The following FER1L6 variants were observed in gnomAD, a reference collection of about 807,000 sequenced individuals.
FER1L6 encodes fer-1-like protein 6.
FER1L6 carries 177 observed loss-of-function variants against 219.2 expected under a neutral mutation model. That is an observed-to-expected ratio of 0.81 (90% CI 0.71 to 0.91). FER1L6 has a LOEUF of 0.91. Ranked by LOEUF, FER1L6 falls within the 40% of genes least tolerant of loss-of-function variation. The probability of loss-of-function intolerance (pLI) is 0.00; values close to 1 mark genes in which losing one functional copy is unlikely to be tolerated. For missense variants in FER1L6, 2,153 were observed against 2,259.9 expected (o/e 0.95, Z 0.96); for synonymous variants, 768 against 824.3 (o/e 0.93, Z 1.17).
At chr8:124,072,431 G>A (rs191239222) in intron 31 of FER1L6, among the ~76,000 whole-genome samples, 58 of 152,168 alleles carry the variant, frequency 3.8e-4, no homozygotes, top group African/African-American at 1.3e-3. Flanking sequence ...GAACCCCAAT[G>A]GTTCATGGAT....
chr8:123,869,856 A>G (rs1816896806), intron 1 of FER1L6, among the ~76,000 whole-genome samples: 2 of 152,354 alleles, frequency 1.3e-5, no homozygotes, highest in South Asian at 4.1e-4. Flanking sequence ...GATCAACAGA[A>G]CAGCATGGAG....
At chr8:123,989,568 C>T (rs190955531) in intron 12 of FER1L6, among the ~76,000 whole-genome samples, 1 of 152,042 alleles carries the variant, frequency 6.6e-6, no homozygotes, top group Non-Finnish European at 1.5e-5. Flanking sequence ...CCTCTCATAC[C>T]TCTTCCTTCT....
rs1822376651 is a variant in FER1L6, at chr8:124,097,875, T to C, written c.4875T>C (p.Tyr1625=). ...CAGGCCAAAAATCAAGTGATATTTA[T>C]GTGAAAGGGTAAGGTTATCAACAAA... ...IFTGQKSSDI[Y]VKGWLKGLED... Residue 1625 remains tyrosine (Y), a synonymous_variant, in exon 37 of 41, where the codon TAT becomes TAC. Transcript: ENST00000522917. 1 of 1,546,678 alleles carries C rather than the reference T, an allele frequency of 6.5e-7. No homozygotes were observed. Among genetic ancestry groups the C allele is most frequent in the South Asian group, 1.1e-5 (1 of 89,584 alleles).
At chr8:124,057,886 T>C (rs1195333640) in intron 22 of FER1L6, among the ~76,000 whole-genome samples, 8 of 152,220 alleles carry the variant, frequency 5.3e-5, no homozygotes, top group African/African-American at 1.9e-4. Flanking sequence ...TTTTATCTGG[T>C]TTCTTACTGA....
intron 12 of FER1L6, among the ~76,000 whole-genome samples, chr8:124,000,526 C>A (rs1297824409): frequency 6.6e-6 from 1 of 152,180 alleles, no homozygotes; most frequent in Non-Finnish European, 1.5e-5. Context: ...TTCAGACATA[C>A]TTGGATTCCT....
chr8:123,927,998 G>A (rs1407912516), intron 1 of FER1L6, among the ~76,000 whole-genome samples: 10 of 152,074 alleles, frequency 6.6e-5, no homozygotes, highest in Non-Finnish European at 1.0e-4. Context: ...ATAAATGATT[G>A]TAAGAGTTAG....
chr8:123,982,244 C>T (rs567855415), intron 11 of FER1L6, among the ~76,000 whole-genome samples: 12 of 152,132 alleles, frequency 7.9e-5, no homozygotes, highest in Non-Finnish European at 1.3e-4. Context: ...TCCCTGTAGT[C>T]GTTTTTCCTG....
chr8:124,068,540 C>T (rs751888850), intron 28 of FER1L6, among the ~76,000 whole-genome samples: 24 of 152,148 alleles, frequency 1.6e-4, no homozygotes, highest in Non-Finnish European at 3.1e-4. Flanking sequence ...CTGAGTAATC[C>T]CCCTAACAAC....
intron 12 of FER1L6, among the ~76,000 whole-genome samples, chr8:123,992,085 G>A (rs1465519847): frequency 6.6e-6 from 1 of 152,082 alleles, no homozygotes; most frequent in Non-Finnish European, 1.5e-5. Context: ...TTGATGTGCT[G>A]TTGGATTTGG....
At chr8:123,932,677 C>A (rs1813819143) in intron 1 of FER1L6, among the ~76,000 whole-genome samples, 2 of 152,112 alleles carry the variant, frequency 1.3e-5, no homozygotes, top group Admixed American at 6.6e-5. Context: ...GATCCTTCAG[C>A]AAGTACAATA....
chr8:124,106,889 A>C (rs936075652), intron 39 of FER1L6, among the ~76,000 whole-genome samples: 11 of 151,864 alleles, frequency 7.2e-5, no homozygotes, highest in African/African-American at 2.7e-4. Context: ...TATTGAATGA[A>C]TCAATTAATT....
intron 20 of FER1L6, among the ~76,000 whole-genome samples, chr8:124,044,011 A>G (rs1231716766): frequency 1.3e-5 from 2 of 152,258 alleles, no homozygotes; most frequent in Admixed American, 6.5e-5. Flanking sequence ...CTATATTTAT[A>G]TAATGAATGA....
chr8:123,922,659 C>T (rs1223522636), intron 1 of FER1L6, among the ~76,000 whole-genome samples: 1 of 152,174 alleles, frequency 6.6e-6, no homozygotes, highest in Non-Finnish European at 1.5e-5. Context: ...TGGAAATCCT[C>T]CACGTCCCTT....
At chr8:123,946,597 T>TCACATATTC (rs1482331216) in intron 1 of FER1L6, among the ~76,000 whole-genome samples, 2 of 152,192 alleles carry the variant, frequency 1.3e-5, no homozygotes, top group African/African-American at 4.8e-5. Context: ...CTTTAAAACT[T>TCACATATTC]AAGTTTATTC....
chr8:124,084,450 T>G (rs1200320675), intron 33 of FER1L6, among the ~76,000 whole-genome samples: 6 of 152,134 alleles, frequency 3.9e-5, no homozygotes, highest in Non-Finnish European at 7.4e-5. Flanking sequence ...TCAAGTTTTT[T>G]GAGGGTTTCT....
At chr8:124,064,614 G>T in intron 26 of FER1L6, 41 bp downstream of exon 26, 1 of 1,566,918 alleles carries the variant, frequency 6.4e-7, no homozygotes, top group South Asian at 1.1e-5. Context: ...AGGCTCATTG[G>T]AGTTTGCATT....
chr8:123,962,057 C>T (rs1345252523), intron 2 of FER1L6, among the ~76,000 whole-genome samples: 2 of 151,614 alleles, frequency 1.3e-5, no homozygotes, highest in Non-Finnish European at 2.9e-5. Context: ...GCCCAGCTAA[C>T]TTTTTGTATT....
At chr8:123,953,655 C>T (rs774436327) in intron 1 of FER1L6, among the ~76,000 whole-genome samples, 5 of 152,196 alleles carry the variant, frequency 3.3e-5, no homozygotes, top group Non-Finnish European at 7.4e-5. Flanking sequence ...CCGAAAGGAA[C>T]CTTATGTCTC....
intron 22 of FER1L6, among the ~76,000 whole-genome samples, chr8:124,051,349 C>T (rs980960023): frequency 2.0e-5 from 3 of 152,182 alleles, no homozygotes; most frequent in African/African-American, 4.8e-5. Flanking sequence ...TACCACCAGG[C>T]ACCTCCTGGT....
Sources: allele counts gnomAD v4.1 joint callset (sites outside exome capture counted in the v4.1 genomes callset), GRCh38; gene constraint gnomAD v4.1.1; transcripts MANE v1.5; gene names NCBI Gene and HGNC (gene_info 2026-07-23, HGNC 2026-07-21).